The following KSR2 variants were observed in gnomAD, a reference collection of about 807,000 sequenced individuals.
The protein encoded by KSR2 is kinase suppressor of ras 2.
In KSR2, 25 loss-of-function variants were observed where a neutral mutation model predicts 107.8. The observed-to-expected ratio is 0.23, with a 90% CI of 0.17 to 0.32. The LOEUF (loss-of-function observed/expected upper bound fraction) is 0.32, where lower values mean the gene tolerates loss of function less well. KSR2 is among the 10% of genes least tolerant of loss of function. KSR2 has a pLI of 1.00. For synonymous variants in KSR2, 480 were observed against 507.0 expected (o/e 0.95, Z 0.71); for missense variants, 887 against 1,268.9 (o/e 0.70, Z 4.57).
At chr12:117,932,456 C>T (rs1895720191) in intron 1 of KSR2, among the ~76,000 whole-genome samples, 1 of 152,102 alleles carries the variant, frequency 6.6e-6, no homozygotes, top group Non-Finnish European at 1.5e-5. Flanking sequence ...AAGCTCATGC[C>T]TGTAATTTTA....
At chr12:117,947,652 T>C (rs1321512105) in intron 1 of KSR2, among the ~76,000 whole-genome samples, 1 of 151,852 alleles carries the variant, frequency 6.6e-6, no homozygotes, top group Non-Finnish European at 1.5e-5. Context: ...GAAGAAAAGT[T>C]CCTAGTACTT....
intron 4 of KSR2, among the ~76,000 whole-genome samples, chr12:117,700,046 TAC>T (rs1886240306): frequency 8.0e-6 from 1 of 124,526 alleles, no homozygotes; most frequent in Non-Finnish European, 1.9e-5. Context: ...CTAATTTTGG[TAC>T]TTTTTTTTTT....
chr12:117,540,414 T>C (rs1403441747), intron 9 of KSR2, among the ~76,000 whole-genome samples: 1 of 152,154 alleles, frequency 6.6e-6, no homozygotes, highest in Non-Finnish European at 1.5e-5. Flanking sequence ...ATTTTCGGAA[T>C]GGCCTGCTGG....
intron 5 of KSR2, among the ~76,000 whole-genome samples, chr12:117,605,409 C>T (rs1264177217): frequency 6.6e-6 from 1 of 152,120 alleles, no homozygotes; most frequent in African/African-American, 2.4e-5. Flanking sequence ...TTTTTAAGTT[C>T]CAGGCTACAT....
chr12:117,898,349 T>A (rs74326650), intron 1 of KSR2, among the ~76,000 whole-genome samples: 52 of 151,298 alleles, frequency 3.4e-4, no homozygotes, highest in African/African-American at 1.2e-3. Flanking sequence ...TTTTTTTTTT[T>A]GAGACAGGGT....
At chr12:117,939,198 T>A (rs1052136421) in intron 1 of KSR2, among the ~76,000 whole-genome samples, 2 of 152,348 alleles carry the variant, frequency 1.3e-5, no homozygotes, top group Non-Finnish European at 2.9e-5. Context: ...ATTGTTGGTA[T>A]GACAATAGCA....
intron 4 of KSR2, among the ~76,000 whole-genome samples, chr12:117,684,856 C>T (rs890184287): frequency 2.6e-5 from 4 of 152,246 alleles, no homozygotes; most frequent in Admixed American, 1.3e-4. Flanking sequence ...GCAGTTCTGG[C>T]GGATTTCAAA....
chr12:117,793,062 ACAC>A (rs781363041), intron 3 of KSR2, among the ~76,000 whole-genome samples: 1 of 149,432 alleles, frequency 6.7e-6, no homozygotes, highest in Non-Finnish European at 1.5e-5. Flanking sequence ...ACATGCACAC[ACAC>A]CAACAGGCAC....
At chr12:117,573,449 A>G (rs747078540) in intron 7 of KSR2, among the ~76,000 whole-genome samples, 35 of 151,834 alleles carry the variant, frequency 2.3e-4, no homozygotes, top group Non-Finnish European at 3.7e-4. Flanking sequence ...GGAGCCACAC[A>G]ACCAGTTGGC....
At chr12:117,950,365 T>C (rs1214041099) in intron 1 of KSR2, among the ~76,000 whole-genome samples, 1 of 152,058 alleles carries the variant, frequency 6.6e-6, no homozygotes. Context: ...AAAGCAAATA[T>C]AGTAAAATGT....
chr12:117,818,775 T>C (rs1484080735), intron 3 of KSR2, among the ~76,000 whole-genome samples: 2 of 152,156 alleles, frequency 1.3e-5, no homozygotes, highest in Admixed American at 6.5e-5. Flanking sequence ...GATCTTAGTG[T>C]TCCCCAGCTG....
intron 17 of KSR2, among the ~76,000 whole-genome samples, chr12:117,475,109 G>A (rs1468108345): frequency 6.6e-6 from 1 of 152,020 alleles, no homozygotes; most frequent in Non-Finnish European, 1.5e-5. Context: ...TGGACACCCG[G>A]CCCCCATCCT....
chr12:117,699,225 A>T (rs1565967764), intron 4 of KSR2, among the ~76,000 whole-genome samples: 1 of 152,240 alleles, frequency 6.6e-6, no homozygotes, highest in Non-Finnish European at 1.5e-5. Context: ...CTCAGCATTC[A>T]ATAAATACCT....
intron 3 of KSR2, among the ~76,000 whole-genome samples, chr12:117,805,401 T>C (rs1259960017): frequency 1.3e-5 from 2 of 152,192 alleles, no homozygotes; most frequent in Non-Finnish European, 2.9e-5. Flanking sequence ...TCGCTAGTCA[T>C]ATAAACGTGG....
chr12:117,826,763 G>A (rs1277800891), intron 3 of KSR2, among the ~76,000 whole-genome samples: 5 of 151,870 alleles, frequency 3.3e-5, no homozygotes, highest in Non-Finnish European at 7.4e-5. Flanking sequence ...AAGGATGAGG[G>A]CTCCGGTTTT....
intron 1 of KSR2, among the ~76,000 whole-genome samples, chr12:117,923,569 G>A (rs932800727): frequency 2.0e-5 from 3 of 152,160 alleles, no homozygotes; most frequent in Non-Finnish European, 2.9e-5. Flanking sequence ...GGAGGCTGAG[G>A]TGGGAGGATC....
At chr12:117,656,751 C>T (rs1884173080) in intron 5 of KSR2, among the ~76,000 whole-genome samples, 1 of 151,790 alleles carries the variant, frequency 6.6e-6, no homozygotes, top group Admixed American at 6.6e-5. Context: ...AGCCTCCCAG[C>T]CTACATCTTT....
intron 3 of KSR2, among the ~76,000 whole-genome samples, chr12:117,794,307 A>T (rs750242348): frequency 0.1 from 4,010 of 40,270 alleles, 1,137 homozygotes; most frequent in African/African-American, 0.23. Context: ...CAACATGCAC[A>T]CACACCAACA....
At chr12:117,789,212 C>T (rs769841494) in intron 3 of KSR2, among the ~76,000 whole-genome samples, 7 of 152,116 alleles carry the variant, frequency 4.6e-5, no homozygotes, top group African/African-American at 9.7e-5. Context: ...CTTCTCACTC[C>T]GTAAAATGGT....
Sources: allele counts gnomAD v4.1 joint callset (sites outside exome capture counted in the v4.1 genomes callset), GRCh38; gene constraint gnomAD v4.1.1; transcripts MANE v1.5; gene names NCBI Gene and HGNC (gene_info 2026-07-23, HGNC 2026-07-21).